The following UNC13C variants were observed in gnomAD, a reference collection of about 807,000 sequenced individuals.
The protein encoded by UNC13C is protein unc-13 homolog C.
UNC13C carries 174 observed loss-of-function variants against 245.4 expected under a neutral mutation model. That is an observed-to-expected ratio of 0.71 (90% CI 0.63 to 0.80). UNC13C has a LOEUF of 0.80. Ranked by LOEUF, UNC13C falls within the 30% of genes least tolerant of loss-of-function variation. The pLI, the probability that UNC13C is intolerant of heterozygous loss-of-function variation, is 0.00. For missense variants in UNC13C, 2,829 were observed against 2,602.9 expected (o/e 1.09, Z -1.89); for synonymous variants, 992 against 895.1 (o/e 1.11, Z -1.93).
intron 4 of UNC13C, among the ~76,000 whole-genome samples, chr15:54,228,120 C>T (rs1245498353): frequency 2.0e-5 from 3 of 152,150 alleles, no homozygotes; most frequent in Admixed American, 1.3e-4. Context: ...CGTGTCTCTC[C>T]CCATAGTCAC....
chr15:54,127,668 C>T (rs1051945974), intron 2 of UNC13C, among the ~76,000 whole-genome samples: 5 of 149,928 alleles, frequency 3.3e-5, no homozygotes, highest in Admixed American at 6.7e-5. Context: ...AACAAACCTG[C>T]ACATTCTGCA....
Position 54,088,201 on chromosome 15 carries a change from CTTTTTT to C in UNC13C, c.2984-54796_2984-54791del, listed in dbSNP as rs59075201. On this transcript the variant is annotated intron_variant, in intron 2 of 32. Transcript: ENST00000260323. ...AGAAGCAGCCATGGGCTTCCTTTTC[CTTTTTT>C]TTTTTTTTTTTTTTTTTTTTACCCC... 2.5e-3 allele frequency among the ~76,000 whole-genome samples: 260 copies of C among 103,920 alleles called. 1 individual carries two copies. Among genetic ancestry groups the C allele is most frequent in the East Asian group, 7.6e-3 (23 of 3,014 alleles). 68.2% of individuals were successfully genotyped at this position (103,920 alleles called of 152,430 possible). A position where few individuals can be genotyped will look rare whatever the true frequency, so the allele number is the denominator to read the frequency against.
chr15:54,190,358 A>C (rs2034142211), intron 4 of UNC13C, among the ~76,000 whole-genome samples: 1 of 152,162 alleles, frequency 6.6e-6, no homozygotes, highest in Admixed American at 6.6e-5. Context: ...AGCAATAAGC[A>C]AATCTCCCTC....
chr15:53,856,863 A>G, the UNC13C span, among the ~76,000 whole-genome samples: 1,578 of 152,262 alleles, frequency 0.01, 16 homozygotes, highest in Non-Finnish European at 0.013. Context: ...GATCTGTCTA[A>G]TAATGACAGT....
At chr15:54,335,081 T>G (rs537811763) in intron 16 of UNC13C, among the ~76,000 whole-genome samples, 106 of 152,248 alleles carry the variant, frequency 7.0e-4, no homozygotes, top group African/African-American at 2.4e-3. Flanking sequence ...TGTCCATATA[T>G]TCTTTCTTTT....
intron 18 of UNC13C, among the ~76,000 whole-genome samples, chr15:54,399,639 T>A (rs1435688516): frequency 6.6e-6 from 1 of 151,722 alleles, no homozygotes; most frequent in Non-Finnish European, 1.5e-5. Flanking sequence ...AGTATCTCAA[T>A]GTATTGAGTA....
intron 2 of UNC13C, among the ~76,000 whole-genome samples, chr15:54,114,085 T>C (rs1401486995): frequency 6.6e-6 from 1 of 152,146 alleles, no homozygotes; most frequent in African/African-American, 2.4e-5. Context: ...AGCTCCTTTT[T>C]TATCCCCAAA....
chr15:54,115,200 T>C (rs2030148367), intron 2 of UNC13C, among the ~76,000 whole-genome samples: 1 of 152,166 alleles, frequency 6.6e-6, no homozygotes, highest in South Asian at 2.1e-4. Context: ...CTCACTGTTA[T>C]ACATATACTT....
At chr15:54,093,413 A>C (rs918051479) in intron 2 of UNC13C, among the ~76,000 whole-genome samples, 10 of 152,206 alleles carry the variant, frequency 6.6e-5, no homozygotes, top group African/African-American at 2.4e-4. Flanking sequence ...TTACTCCTTA[A>C]ATTGTCCTTT....
At chr15:54,038,753 A>G (rs1191502669) in intron 2 of UNC13C, among the ~76,000 whole-genome samples, 1 of 152,214 alleles carries the variant, frequency 6.6e-6, no homozygotes, top group East Asian at 1.9e-4. Context: ...ACAATTTCAA[A>G]ATCAATTATG....
chr15:54,016,864 TAA>T (rs1895683376), intron 2 of UNC13C, among the ~76,000 whole-genome samples: 1 of 152,194 alleles, frequency 6.6e-6, no homozygotes, highest in African/African-American at 2.4e-5. Context: ...CATCATTAAT[TAA>T]GCTATTACTC....
At chr15:54,354,419 T>TA (rs1265153923) in intron 17 of UNC13C, among the ~76,000 whole-genome samples, 1 of 152,142 alleles carries the variant, frequency 6.6e-6, no homozygotes, top group African/African-American at 2.4e-5. Flanking sequence ...GTTAGCCTTA[T>TA]AAAAATGGAG....
intron 8 of UNC13C, among the ~76,000 whole-genome samples, chr15:54,262,089 A>G (rs1015955228): frequency 6.6e-6 from 1 of 152,200 alleles, no homozygotes. Context: ...CGTTAAGGAC[A>G]GAAGTCTGAT....
At chr15:54,398,010 CA>C (rs2040106268) in intron 18 of UNC13C, among the ~76,000 whole-genome samples, 1 of 151,316 alleles carries the variant, frequency 6.6e-6, no homozygotes, top group African/African-American at 2.4e-5. Context: ...TAGTGAAGAG[CA>C]GACATTCTTG....
intron 17 of UNC13C, among the ~76,000 whole-genome samples, chr15:54,339,148 A>G (rs1239051021): frequency 6.6e-6 from 1 of 152,212 alleles, no homozygotes; most frequent in Non-Finnish European, 1.5e-5. Flanking sequence ...GATTATAGGC[A>G]TGAGCCACCA....
At chr15:54,144,084 T>A (rs1026491710) in intron 4 of UNC13C, among the ~76,000 whole-genome samples, 5 of 152,176 alleles carry the variant, frequency 3.3e-5, no homozygotes, top group Non-Finnish European at 7.3e-5. Context: ...ACTCAATGAA[T>A]ATAATCTATA....
the UNC13C span, chr15:53,914,824 T>C: frequency 1.3e-5 from 2 of 152,132 alleles, no homozygotes; most frequent in African/African-American, 4.8e-5. Flanking sequence ...GGTAATGAGA[T>C]ATGTGATAAC....
intron 17 of UNC13C, among the ~76,000 whole-genome samples, chr15:54,380,412 T>C (rs2039698475): frequency 1.3e-5 from 2 of 152,216 alleles, no homozygotes; most frequent in African/African-American, 4.8e-5. Context: ...TTGGCTATTG[T>C]GAATAATGCT....
At chr15:53,841,686 A>C in the UNC13C span, among the ~76,000 whole-genome samples, 1 of 152,168 alleles carries the variant, frequency 6.6e-6, no homozygotes, top group African/African-American at 2.4e-5. Context: ...AAAATGTTTT[A>C]ACATAGATCT....
Sources: gnomAD v4.1 joint callset for allele counts (sites outside exome capture counted in the v4.1 genomes callset) on GRCh38, gnomAD v4.1.1 for gene constraint, MANE v1.5 for transcripts, NCBI Gene and HGNC (gene_info 2026-07-23, HGNC 2026-07-21) for gene names.